ZW10: variants seen among roughly 807,000 people sequenced by gnomAD.
The protein encoded by ZW10 is centromere/kinetochore protein zw10 homolog.
A neutral mutation model predicts 87.8 loss-of-function variants in ZW10; 53 were observed. The ratio of observed to expected loss-of-function variants is 0.60; its 90% CI spans 0.48 to 0.76. ZW10 has a LOEUF of 0.76. ZW10 is among the 30% of genes least tolerant of loss of function. The pLI is 0.00. For synonymous variants in ZW10, 312 were observed against 329.2 expected (o/e 0.95, Z 0.57); for missense variants, 837 against 923.0 (o/e 0.91, Z 1.21).
At position 113,758,678 on chromosome 11, in the gene ZW10, T is replaced by C; in HGVS notation, c.609A>G (p.Gln203=). ...KDTSSLESYL[Q]TELHLYTEQS... ...GTTCAGTGTATAAATGAAGTTCAGTTTGTAGGTAAGATTCCAAACTGCTGG... is the reference window on the plus strand; with the variant it reads ...GTTCAGTGTATAAATGAAGTTCAGTCTGTAGGTAAGATTCCAAACTGCTGG... The change falls in exon 6 of 16, where the codon CAA becomes CAG. Residue 203 remains glutamine, a synonymous_variant. Coordinates refer to ENST00000200135, the MANE Select transcript of ZW10 (RefSeq NM_004724.4). 6.2e-7 allele frequency: 1 copy of C among 1,613,904 alleles called. No individual in the cohort carries two copies. The highest frequency in any genetic ancestry group is 2.2e-5 in the East Asian group (1 of 44,824).
chr11:113,750,308 CT>C (rs111295027), intron 7 of ZW10, among the ~76,000 whole-genome samples: 160 of 144,584 alleles, frequency 1.1e-3, no homozygotes, highest in Admixed American at 2.6e-3. Context: ...CATTTTTTTT[CT>C]TTTTTTTTTT....
In ZW10 at chr11:113,739,281, C is replaced by T. The variant is rs61762985; in HGVS notation, c.1685G>A (p.Arg562His). 2,825 of 1,613,962 alleles carry T rather than the reference C, an allele frequency of 1.8e-3. 4 individuals carry two copies. The highest frequency in any genetic ancestry group is 2.1e-3 in the Non-Finnish European group (2,421 of 1,179,946). Residue 562 changes from arginine (R) to histidine (H), a missense_variant, in exon 12 of 16, where the codon CGT becomes CAT. By Grantham distance (29) the Arg-to-His change is conservative. Transcript: ENST00000200135. ...LLTLGHQFRL[R>H]LAPILCDGTA... ...GCCATCACAAAGAATGGGGGCAAGA[C>T]GCAATCTGAACTGATGCCCGAGGGT...
At chr11:113,763,656 GTCTTCTTTTGAGAAGTGTCTGTTAATA>G (rs1467710607) in intron 2 of ZW10, among the ~76,000 whole-genome samples, 2 of 152,160 alleles carry the variant, frequency 1.3e-5, no homozygotes, top group African/African-American at 4.8e-5. Flanking sequence ...CCGCATAAAT[GTCTTCTTTTGAGAAGTGTCTGTTAATA>G]TCCTTTGCCC....
intron 1 of ZW10, among the ~76,000 whole-genome samples, chr11:113,770,205 C>T (rs1223920689): frequency 6.7e-6 from 1 of 149,936 alleles, no homozygotes; most frequent in Non-Finnish European, 1.5e-5. Context: ...TCTCCTGCCT[C>T]AGCCTCCCAA....
intron 7 of ZW10, among the ~76,000 whole-genome samples, chr11:113,752,070 A>C (rs946744728): frequency 2.0e-5 from 3 of 152,236 alleles, no homozygotes; most frequent in African/African-American, 7.2e-5. Flanking sequence ...GAAGACAATA[A>C]ATATGAACTT....
At chr11:113,737,940 G>A (rs1325025733) in intron 13 of ZW10, among the ~76,000 whole-genome samples, 1 of 152,144 alleles carries the variant, frequency 6.6e-6, no homozygotes, top group Non-Finnish European at 1.5e-5. Flanking sequence ...AATCACTTAA[G>A]AAAGGGGAGC....
chr11:113,770,833 A>C (rs893351316), intron 1 of ZW10, among the ~76,000 whole-genome samples: 3 of 129,026 alleles, frequency 2.3e-5, no homozygotes, highest in Non-Finnish European at 5.1e-5. Context: ...AAAAAGAAAA[A>C]AAAAAAAAAA....
In ZW10 at chr11:113,758,610, G is replaced by A. The variant is rs1953823814; in HGVS notation, c.677C>T (p.Ser226Phe). 6 of 1,614,116 alleles carry A rather than the reference G, an allele frequency of 3.7e-6. No homozygotes were observed. In the East Asian group the frequency reaches 1.3e-4, roughly 36 times the overall value. The change falls in exon 6 of 16, where the codon TCT becomes TTT. Residue 226 changes from serine (S) to phenylalanine (F), a missense_variant. Physicochemically the swap from Ser to Phe is radical, Grantham distance 155 (BLOSUM62 -2). Transcript: ENST00000200135. Reference protein sequence around the residue: ...EEKTPMPPISSVLLAFSVLGE... With the variant: ...EEKTPMPPISFVLLAFSVLGE... ...AAGAACAGAAAATGCCAAGAGGACA[G>A]AACTGATGGGTGGCATAGGGGTCTT...
chr11:113,757,703 T>G lies in ZW10; in HGVS notation c.884A>C (p.Lys295Thr). The change falls in exon 7 of 16, where the codon AAG (lysine) becomes ACG (threonine). Residue 295 changes from lysine (K) to threonine (T), a missense_variant. By Grantham distance (78) the Lys-to-Thr change is moderately conservative. Transcript: ENST00000200135. Reference sequence around the variant, plus strand: ...GAGCACTTCTAGTACCAGTCTGATCTTTGTAAAAACTTCAGATGGTGATGG... The same window carrying G: ...GAGCACTTCTAGTACCAGTCTGATCGTTGTAAAAACTTCAGATGGTGATGG... ...EYPSPSEVFT[K>T]IRLVLEVLQK... 1 of 1,612,284 alleles carries G rather than the reference T, an allele frequency of 6.2e-7. No homozygotes were observed.
At position 113,733,696 on chromosome 11, in the gene ZW10, A is replaced by G. The variant is rs757919131; in HGVS notation, c.2338T>C (p.Ter780GlnextTer10). The change falls in exon 16 of 16, where the codon TAG (stop) becomes CAG (glutamine). Residue 780 changes from the stop codon to glutamine, a stop_lost. Coordinates refer to ENST00000200135, the MANE Select transcript of ZW10 (RefSeq NM_004724.4). ...ATAGCTTTCTTAAGAAGATGGAGCTATTTAATTTTAGCAAGGGCAGCTGCT... is the reference window on the plus strand; with the variant it reads ...ATAGCTTTCTTAAGAAGATGGAGCTGTTTAATTTTAGCAAGGGCAGCTGCT... Reference protein sequence around the residue: ...RRAAALAKIK* With the variant: ...RRAAALAKIKQ 5.6e-6 allele frequency: 9 copies of G among 1,613,932 alleles called. No individual in the cohort carries two copies. In the East Asian group the frequency reaches 2.0e-4, roughly 36 times the overall value.
chr11:113,749,679 C>T (rs564762883), intron 7 of ZW10, among the ~76,000 whole-genome samples: 2 of 152,108 alleles, frequency 1.3e-5, no homozygotes, highest in South Asian at 2.1e-4. Context: ...AGTGGAGGCA[C>T]GAGACCTCTC....
At chr11:113,733,948 T>G (rs1202568371) in intron 15 of ZW10, 134 bp from the exon 16 acceptor site, 2 of 1,100,936 alleles carry the variant, frequency 1.8e-6, no homozygotes, top group South Asian at 1.6e-5. Flanking sequence ...ATCTTTCCTC[T>G]TCTTTATAGA....
chr11:113,768,402 G>C (rs555955920), intron 2 of ZW10, among the ~76,000 whole-genome samples: 34 of 152,286 alleles, frequency 2.2e-4, no homozygotes, highest in Middle Eastern at 3.4e-3. Context: ...AAAAGGTACA[G>C]AGAGCCAATT....
chr11:113,757,705 T>C lies in ZW10; in HGVS notation c.882A>G (p.Thr294=), dbSNP rs967271313. 2.5e-6 allele frequency: 4 copies of C among 1,612,538 alleles called. No homozygotes were observed. The highest frequency in any genetic ancestry group is 1.7e-6 in the Non-Finnish European group (2 of 1,178,926). The part of the protein sequence containing the change: ...LEYPSPSEVF[T]KIRLVLEVLQ... ...GCACTTCTAGTACCAGTCTGATCTT[T>C]GTAAAAACTTCAGATGGTGATGGAT... The change falls in exon 7 of 16, where the codon ACA becomes ACG. Residue 294 remains threonine, a synonymous_variant. Coordinates refer to ENST00000200135, the MANE Select transcript of ZW10 (RefSeq NM_004724.4).
intron 1 of ZW10, among the ~76,000 whole-genome samples, chr11:113,773,222 T>A (rs1389992682): frequency 1.3e-5 from 2 of 151,924 alleles, no homozygotes; most frequent in Admixed American, 1.3e-4. Context: ...CCCGCTCTGC[T>A]GGTCTCTTCA....
chr11:113,765,949 A>T (rs1953903527), intron 2 of ZW10, among the ~76,000 whole-genome samples: 6 of 152,178 alleles, frequency 3.9e-5, no homozygotes, highest in Admixed American at 2.6e-4. Context: ...ATATAAAGCA[A>T]TCTACTGCAC....
chr11:113,739,470 T>G, intron 11 of ZW10, 88 bp from the exon 12 acceptor site: 1 of 1,213,504 alleles, frequency 8.2e-7, no homozygotes, highest in Non-Finnish European at 1.1e-6. Flanking sequence ...CTAATGTATT[T>G]CTAGGCTTTA....
intron 9 of ZW10, among the ~76,000 whole-genome samples, chr11:113,744,466 C>T (rs1330822315): frequency 6.6e-6 from 1 of 152,158 alleles, no homozygotes; most frequent in African/African-American, 2.4e-5. Context: ...GATACAGCTA[C>T]GGCTCTACAG....
chr11:113,763,156 G>A (rs1331731966), intron 2 of ZW10, among the ~76,000 whole-genome samples: 1 of 152,126 alleles, frequency 6.6e-6, no homozygotes, highest in Non-Finnish European at 1.5e-5. Context: ...TGAGGATGGT[G>A]GCTTCCAGCT....
Sources: allele counts gnomAD v4.1 joint callset (sites outside exome capture counted in the v4.1 genomes callset), GRCh38; gene constraint gnomAD v4.1.1; transcripts MANE v1.5; gene names NCBI Gene and HGNC (gene_info 2026-07-23, HGNC 2026-07-21).